Variants in ROCK2 observed in about 807,000 individuals in gnomAD.
ROCK2 encodes Rho associated coiled-coil containing protein kinase 2, also known as rho-associated protein kinase 2.
ROCK2 carries 61 observed loss-of-function variants against 195.1 expected under a neutral mutation model. The observed-to-expected ratio is 0.31, with a 90% confidence interval of 0.25 to 0.39. The LOEUF (loss-of-function observed/expected upper bound fraction) is 0.39, where lower values mean the gene tolerates loss of function less well. Ranked by LOEUF, ROCK2 falls within the 10% of genes least tolerant of loss-of-function variation. The pLI, the probability that ROCK2 is intolerant of heterozygous loss-of-function variation, is 1.00. For missense variants in ROCK2, 1,109 were observed against 1,637.4 expected (o/e 0.68, Z 5.57); for synonymous variants, 504 against 545.5 (o/e 0.92, Z 1.06).
In ROCK2 at chr2:11,239,260, A is replaced by C. The variant is rs572840495; in HGVS notation, c.463-3298T>G. Among the ~76,000 whole-genome samples, 16 of 152,308 alleles carry C rather than the reference A, an allele frequency of 1.1e-4. No homozygotes were observed. In the South Asian group the frequency reaches 3.3e-3, roughly 32 times the overall value. ...ATTTTCTGGCTTGAAAGATACTATTAATAAAATGAGAAGATGAACCACAGG... is the reference window on the plus strand; with the variant it reads ...ATTTTCTGGCTTGAAAGATACTATTCATAAAATGAGAAGATGAACCACAGG... On this transcript the variant is annotated intron_variant, in intron 4 of 32. Coordinates refer to ENST00000315872, the MANE Select transcript of ROCK2 (RefSeq NM_004850.5).
chr2:11,328,812 C>T lies in ROCK2; in HGVS notation c.141+15184G>A, dbSNP rs577013492. 1.2e-4 allele frequency among the ~76,000 whole-genome samples: 18 copies of T among 151,100 alleles called. No homozygotes were observed. The South Asian group carries it at 3.6e-3, about 30-fold the overall frequency. ...AATCATCATTCTCAGTAAACTATCG[C>T]AAGGACAAAAAACCAAACACCACAT... On this transcript the variant is annotated intron_variant, in intron 1 of 32. Transcript: ENST00000315872.
chr2:11,295,829 C>T (rs1243350318), intron 1 of ROCK2, among the ~76,000 whole-genome samples: 3 of 151,916 alleles, frequency 2.0e-5, no homozygotes, highest in African/African-American at 7.3e-5. Flanking sequence ...TGGTGGTACA[C>T]GCCTGTAATC....
chr2:11,328,449 A>G (rs1236568504), intron 1 of ROCK2, among the ~76,000 whole-genome samples: 1 of 152,238 alleles, frequency 6.6e-6, no homozygotes, highest in Non-Finnish European at 1.5e-5. Flanking sequence ...GAACACTAGC[A>G]CATATAGTTA....
At chr2:11,248,165 A>T (rs905371814) in intron 4 of ROCK2, among the ~76,000 whole-genome samples, 3 of 146,130 alleles carry the variant, frequency 2.1e-5, no homozygotes, top group African/African-American at 7.5e-5. Flanking sequence ...CTTATAAAAA[A>T]GCAACATTAA....
chr2:11,297,324 C>T (rs1172697338), intron 1 of ROCK2, among the ~76,000 whole-genome samples: 1 of 151,976 alleles, frequency 6.6e-6, no homozygotes, highest in African/African-American at 2.4e-5. Context: ...TCATTTTATT[C>T]TTTTCCTAAG....
At chr2:11,325,390 A>G (rs942398680) in intron 1 of ROCK2, among the ~76,000 whole-genome samples, 2 of 152,232 alleles carry the variant, frequency 1.3e-5, no homozygotes, top group Non-Finnish European at 2.9e-5. Flanking sequence ...ATCCAACTTC[A>G]TACCAGACTA....
rs1669196366 is a variant in ROCK2 at position 11,343,986 on chromosome 2, G to A, written c.141+10C>T. ...TGCAACGAGCAAGCTCCCAGGCCCC[G>A]GCCACCTACCAGCAAGCTCTCCACG... On this transcript the variant is annotated intron_variant, in intron 1 of 32. Transcript: ENST00000315872. 2 of 1,586,254 alleles carry A rather than the reference G, an allele frequency of 1.3e-6. No homozygotes were observed. The highest frequency in any genetic ancestry group is 2.5e-5 in the East Asian group (1 of 40,034).
At chr2:11,245,151 TTTA>T (rs1419603061) in intron 4 of ROCK2, among the ~76,000 whole-genome samples, 3 of 151,584 alleles carry the variant, frequency 2.0e-5, no homozygotes, top group African/African-American at 7.2e-5. Context: ...TGCTTACTAA[TTTA>T]TATTCCTTAT....
At chr2:11,261,214 A>G (rs142288588) in intron 3 of ROCK2, among the ~76,000 whole-genome samples, 1 of 152,206 alleles carries the variant, frequency 6.6e-6, no homozygotes, top group Non-Finnish European at 1.5e-5. Flanking sequence ...GACATAACTT[A>G]ATCTACAGAG....
Position 11,264,911 on chromosome 2 carries a change from T to C in ROCK2, c.325-15113A>G, listed in dbSNP as rs547175072. ...AATACAAGTACAGGTGAAGTCTATA[T>C]TTATTGACATGGAAAGATGGTTATG... On this transcript the variant is annotated intron_variant, in intron 3 of 32. Coordinates refer to ENST00000315872, the MANE Select transcript of ROCK2 (RefSeq NM_004850.5). 3.9e-5 allele frequency among the ~76,000 whole-genome samples: 6 copies of C among 152,310 alleles called. No homozygotes were observed. In the East Asian group the frequency reaches 1.2e-3, roughly 29 times the overall value.
intron 3 of ROCK2, among the ~76,000 whole-genome samples, chr2:11,278,522 A>G (rs1284603027): frequency 6.6e-6 from 1 of 152,228 alleles, no homozygotes; most frequent in Non-Finnish European, 1.5e-5. Flanking sequence ...TGCAATGAAC[A>G]TGAGAATGCA....
chr2:11,203,749 A>G (rs1205643424), intron 20 of ROCK2, among the ~76,000 whole-genome samples: 2 of 152,166 alleles, frequency 1.3e-5, no homozygotes, highest in African/African-American at 2.4e-5. Flanking sequence ...ATTGTTGATG[A>G]GTATACTGTA....
intron 1 of ROCK2, among the ~76,000 whole-genome samples, chr2:11,332,294 T>C (rs988957715): frequency 4.6e-5 from 7 of 152,148 alleles, no homozygotes; most frequent in Non-Finnish European, 2.9e-5. Context: ...CACTTATCAG[T>C]AGGATAATTC....
chr2:11,233,316 C>A (rs550208304), intron 5 of ROCK2, among the ~76,000 whole-genome samples: 2 of 152,150 alleles, frequency 1.3e-5, no homozygotes, highest in Non-Finnish European at 2.9e-5. Flanking sequence ...AAAGATACTA[C>A]TGTATATCAA....
At chr2:11,306,700 G>A (rs944119898) in intron 1 of ROCK2, among the ~76,000 whole-genome samples, 9 of 152,138 alleles carry the variant, frequency 5.9e-5, no homozygotes, top group East Asian at 5.8e-4. Flanking sequence ...TGATAGCTCC[G>A]GGATATCATT....
At chr2:11,251,203 T>C (rs1665818797) in intron 3 of ROCK2, among the ~76,000 whole-genome samples, 1 of 152,212 alleles carries the variant, frequency 6.6e-6, no homozygotes, top group East Asian at 1.9e-4. Context: ...TTTAACTTAT[T>C]TATCACCTAT....
chr2:11,334,718 C>T lies in ROCK2; in HGVS notation c.141+9278G>A, dbSNP rs919404649. Reference sequence around the variant, plus strand: ...GCAGGTAATTAAGACAATACCAGCCCTGCTCTGGCGCGTTTCTATCTAAAT... The same window carrying T: ...GCAGGTAATTAAGACAATACCAGCCTTGCTCTGGCGCGTTTCTATCTAAAT... On this transcript the variant is annotated intron_variant, in intron 1 of 32. Coordinates refer to ENST00000315872, the MANE Select transcript of ROCK2 (RefSeq NM_004850.5). Among the ~76,000 whole-genome samples the T allele has an allele frequency of 4.9e-5, 7 of 141,794 alleles. No individual in the cohort carries two copies. The East Asian group carries it at 1.2e-3, about 23-fold the overall frequency. 93.0% of individuals were successfully genotyped at this position (141,794 alleles called of 152,430 possible). A position where few individuals can be genotyped will look rare whatever the true frequency, so the allele number is the denominator to read the frequency against.
intron 3 of ROCK2, among the ~76,000 whole-genome samples, chr2:11,279,120 T>C (rs1356537842): frequency 6.7e-6 from 1 of 149,664 alleles, no homozygotes; most frequent in Non-Finnish European, 1.5e-5. Flanking sequence ...AAGACAAAAA[T>C]AGGAACAAGA....
At chr2:11,342,224 A>T (rs1157831285) in intron 1 of ROCK2, among the ~76,000 whole-genome samples, 6 of 152,202 alleles carry the variant, frequency 3.9e-5, no homozygotes, top group South Asian at 2.1e-4. Context: ...AGAGTCTGTC[A>T]AGTCATCAGC....
Sources: allele counts gnomAD v4.1 joint callset (sites outside exome capture counted in the v4.1 genomes callset), GRCh38; gene constraint gnomAD v4.1.1; transcripts MANE v1.5; gene names NCBI Gene and HGNC (gene_info 2026-07-23, HGNC 2026-07-21).